Variants in AFG3L2 observed in about 807,000 individuals in gnomAD.
AFG3L2 encodes mitochondrial inner membrane m-AAA protease component AFG3L2.
A neutral mutation model predicts 94.5 loss-of-function variants in AFG3L2; 54 were observed. The observed-to-expected ratio is 0.57, with a 90% confidence interval of 0.46 to 0.72. The LOEUF (loss-of-function observed/expected upper bound fraction) is 0.72, where lower values mean the gene tolerates loss of function less well. AFG3L2 is among the 30% of genes least tolerant of loss of function. AFG3L2 has a pLI of 0.00. For missense variants in AFG3L2, 754 were observed against 994.9 expected, an observed-to-expected ratio of 0.76 and a Z score of 3.26; for synonymous variants, 377 against 365.5, an observed-to-expected ratio of 1.03 and a Z score of -0.36.
chr18:12,356,935 G>A, intron 8 of AFG3L2, 104 bp from the exon 9 acceptor site: 1 of 1,136,902 alleles, frequency 8.8e-7, no homozygotes, highest in Non-Finnish European at 1.3e-6. Context: ...AAATCTTATT[G>A]ATATATATTA....
At chr18:12,340,480 C>A in intron 14 of AFG3L2, 79 bp from the exon 15 acceptor site, 1 of 1,148,424 alleles carries the variant, frequency 8.7e-7, no homozygotes, top group Non-Finnish European at 1.3e-6. Flanking sequence ...AACAGATAAA[C>A]TCATTGACTA....
chr18:12,360,228 GAAC>G (rs1908618017), intron 6 of AFG3L2, 177 bp from the exon 7 acceptor site: 2 of 632,950 alleles, frequency 3.2e-6, no homozygotes, highest in Non-Finnish European at 5.3e-6. Context: ...CACTCATTGA[GAAC>G]ACTTGGCAAT....
intron 13 of AFG3L2, among the ~76,000 whole-genome samples, chr18:12,347,633 C>T (rs1488511738): frequency 1.3e-5 from 2 of 151,750 alleles, no homozygotes; most frequent in Non-Finnish European, 2.9e-5. Flanking sequence ...TCACCATAAC[C>T]TCTGCCTCCC....
chr18:12,371,478 A>T (rs998135586), intron 2 of AFG3L2, 114 bp downstream of exon 2: 5 of 822,496 alleles, frequency 6.1e-6, no homozygotes, highest in Admixed American at 2.0e-5. Flanking sequence ...TGAAGATGAC[A>T]TATCTTCATC....
At chr18:12,369,852 G>A (rs996493618) in intron 3 of AFG3L2, among the ~76,000 whole-genome samples, 5 of 151,752 alleles carry the variant, frequency 3.3e-5, no homozygotes, top group Admixed American at 6.6e-5. Flanking sequence ...GTCAGGAGAT[G>A]GAGACCATCC....
At chr18:12,365,664 T>G (rs1440053620) in intron 5 of AFG3L2, among the ~76,000 whole-genome samples, 2 of 152,178 alleles carry the variant, frequency 1.3e-5, no homozygotes, top group Non-Finnish European at 2.9e-5. Context: ...AGCTGCTCAT[T>G]TGAGTAGATA....
intron 6 of AFG3L2, among the ~76,000 whole-genome samples, chr18:12,363,094 CAG>C (rs1481274010): frequency 2.6e-5 from 4 of 152,328 alleles, no homozygotes; most frequent in Admixed American, 6.5e-5. Context: ...TGCAATTAAA[CAG>C]AGAGATATGG....
intron 13 of AFG3L2, among the ~76,000 whole-genome samples, chr18:12,348,033 T>C (rs1188203348): frequency 6.6e-6 from 1 of 152,118 alleles, no homozygotes; most frequent in African/African-American, 2.4e-5. Flanking sequence ...CATCTCAAAC[T>C]CACCCAGCAC....
At chr18:12,365,762 T>G (rs1344846181) in intron 5 of AFG3L2, among the ~76,000 whole-genome samples, 1 of 152,202 alleles carries the variant, frequency 6.6e-6, no homozygotes, top group Non-Finnish European at 1.5e-5. Flanking sequence ...CATGTCGTCT[T>G]ACTTTATCCA....
chr18:12,330,603 C>T (rs1907491137), intron 16 of AFG3L2, among the ~76,000 whole-genome samples: 1 of 152,070 alleles, frequency 6.6e-6, no homozygotes, highest in Non-Finnish European at 1.5e-5. Flanking sequence ...AATGGCAAAA[C>T]CCCGTCTCTA....
chr18:12,376,484 T>A (rs934263645), intron 1 of AFG3L2, among the ~76,000 whole-genome samples: 4 of 152,132 alleles, frequency 2.6e-5, no homozygotes, highest in Non-Finnish European at 4.4e-5. Context: ...ACATTCTTAA[T>A]AATAATAGCT....
At chr18:12,348,097 GGA>G (rs1908202531) in intron 13 of AFG3L2, among the ~76,000 whole-genome samples, 174 bp downstream of exon 13, 1 of 152,126 alleles carries the variant, frequency 6.6e-6, no homozygotes, top group Non-Finnish European at 1.5e-5. Context: ...GGAAGAAGGA[GGA>G]GAGGGAGGAG....
intron 16 of AFG3L2, among the ~76,000 whole-genome samples, chr18:12,331,380 CTGCTCA>C (rs1907519289): frequency 6.6e-6 from 1 of 152,240 alleles, no homozygotes; most frequent in Non-Finnish European, 1.5e-5. Flanking sequence ...CAAAAGCTTG[CTGCTCA>C]TGCTGCCGGA....
chr18:12,373,935 CGAT>C (rs1909066059), intron 1 of AFG3L2, among the ~76,000 whole-genome samples: 2 of 152,140 alleles, frequency 1.3e-5, no homozygotes, highest in South Asian at 4.1e-4. Context: ...AATACCACCA[CGAT>C]GGGGAACAAA....
intron 1 of AFG3L2, among the ~76,000 whole-genome samples, chr18:12,374,587 C>T (rs950841345): frequency 6.6e-6 from 1 of 152,220 alleles, no homozygotes; most frequent in African/African-American, 2.4e-5. Flanking sequence ...GCAAATCAAT[C>T]AGCTACAGCT....
intron 16 of AFG3L2, among the ~76,000 whole-genome samples, chr18:12,331,813 ATATATATATATATATAT>A (rs1907538364): frequency 5.6e-3 from 17 of 3,024 alleles, no homozygotes; most frequent in African/African-American, 7.7e-3. Flanking sequence ...AAATAAATAT[ATATATATATATATATAT>A]ATATATATAT....
chr18:12,341,482 A>G (rs367695835), intron 14 of AFG3L2: 1 of 152,122 alleles, frequency 6.6e-6, no homozygotes, highest in Non-Finnish European at 1.5e-5. Context: ...TTCTGTCCCT[A>G]TGGATTAGTT....
At chr18:12,367,914 A>T (rs1196935483) in intron 3 of AFG3L2, among the ~76,000 whole-genome samples, 1 of 152,142 alleles carries the variant, frequency 6.6e-6, no homozygotes, top group African/African-American at 2.4e-5. Context: ...CACGCCTGTA[A>T]TCCCAGCACT....
At chr18:12,353,362 A>C (rs1424040386) in intron 9 of AFG3L2, among the ~76,000 whole-genome samples, 1 of 151,756 alleles carries the variant, frequency 6.6e-6, no homozygotes, top group Non-Finnish European at 1.5e-5. Flanking sequence ...TAAAAATACA[A>C]AATTAGGCAG....
Sources: allele counts gnomAD v4.1 joint callset (sites outside exome capture counted in the v4.1 genomes callset), GRCh38; gene constraint gnomAD v4.1.1; transcripts MANE v1.5; gene names NCBI Gene and HGNC (gene_info 2026-07-23, HGNC 2026-07-21).